LEKR1: variants seen among roughly 807,000 people sequenced by gnomAD.
LEKR1 encodes the protein protein LEKR1.
LEKR1 carries 59 observed loss-of-function variants against 72.4 expected under a neutral mutation model. That is an observed-to-expected ratio of 0.82 (90% CI 0.66 to 1.01). The LOEUF (loss-of-function observed/expected upper bound fraction) is 1.01. Among genes scored for constraint, LEKR1 ranks in the 50% least tolerant of loss-of-function variants. The pLI is 0.00. For missense variants in LEKR1, 728 were observed against 759.2 expected, an observed-to-expected ratio of 0.96 and a Z score of 0.48; for synonymous variants, 257 against 263.2, an observed-to-expected ratio of 0.98 and a Z score of 0.23.
chr3:156,955,893 T>G (rs1465309002), intron 6 of LEKR1, among the ~76,000 whole-genome samples: 1 of 151,434 alleles, frequency 6.6e-6, no homozygotes, highest in African/African-American at 2.4e-5. Context: ...CCAGACAAGT[T>G]CAGCACTAGC....
At chr3:156,967,325 C>G (rs1247248510) in intron 6 of LEKR1, among the ~76,000 whole-genome samples, 1 of 152,048 alleles carries the variant, frequency 6.6e-6, no homozygotes, top group Non-Finnish European at 1.5e-5. Context: ...TCAAACTACT[C>G]TGAGCTAAAG....
intron 3 of LEKR1, among the ~76,000 whole-genome samples, chr3:156,914,641 A>T (rs1012415639): frequency 3.3e-5 from 5 of 152,186 alleles, no homozygotes; most frequent in Non-Finnish European, 7.4e-5. Context: ...GTTTTAATTG[A>T]GTTTCATGCA....
chr3:156,906,138 T>C (rs986112798), intron 3 of LEKR1, among the ~76,000 whole-genome samples: 5 of 152,344 alleles, frequency 3.3e-5, no homozygotes, highest in Admixed American at 6.5e-5. Context: ...TTCTTGTGTT[T>C]TCTAAAGTGT....
chr3:156,878,369 A>T (rs957946954), intron 3 of LEKR1, among the ~76,000 whole-genome samples: 3 of 152,146 alleles, frequency 2.0e-5, no homozygotes, highest in Non-Finnish European at 2.9e-5. Flanking sequence ...TTCCCTCTTG[A>T]TTTCATTGTT....
chr3:157,010,821 G>A (rs7616559), intron 9 of LEKR1, among the ~76,000 whole-genome samples: 110,778 of 151,932 alleles, frequency 0.73, 40,885 homozygotes, highest in East Asian at 0.93. Context: ...GGATTAAGAT[G>A]ATAAAGTGAT....
chr3:156,839,886 G>A (rs184322263), intron 2 of LEKR1, among the ~76,000 whole-genome samples: 3 of 152,212 alleles, frequency 2.0e-5, no homozygotes, highest in East Asian at 3.9e-4. Flanking sequence ...AAAAAAGTTC[G>A]ACAGAAGTTA....
Position 156,979,261 on chromosome 3 carries a change from TA to T in LEKR1, c.816del (p.Glu273LysfsTer4). On this transcript the variant is annotated frameshift_variant, in exon 7 of 13. Transcript: ENST00000356539. LOFTEE classifies it high-confidence loss of function. The stretch of plus-strand genomic sequence containing the variant: ...AGGCGGTGACAGAGATGGACAACTA[TA>T]AAGAAATGCTTATGTAAGATGGAGA... ...QKAVTEMDNYKEMLMNKSNEA... is the reference protein window; with the variant it reads ...QKAVTEMDNYXEMLMNKSNEA... The T allele has an allele frequency of 7.8e-7, 1 of 1,281,276 alleles. No homozygotes were observed. The highest frequency in any genetic ancestry group is 1.0e-6 in the Non-Finnish European group (1 of 980,220). 79.4% of individuals were successfully genotyped at this position (1,281,276 alleles called of 1,614,324 possible). A position where few individuals can be genotyped will look rare whatever the true frequency, so the allele number is the denominator to read the frequency against.
At chr3:156,955,527 A>G (rs776902178) in intron 6 of LEKR1, among the ~76,000 whole-genome samples, 5 of 151,730 alleles carry the variant, frequency 3.3e-5, no homozygotes, top group Non-Finnish European at 5.9e-5. Context: ...CCCTTAATGC[A>G]TAGTTTATTG....
chr3:156,992,025 G>T lies in LEKR1; in HGVS notation c.828-628G>T, dbSNP rs111273960. 1.4e-3 allele frequency among the ~76,000 whole-genome samples: 217 copies of T among 152,330 alleles called. 1 individual carries two copies. The highest frequency in any genetic ancestry group is 5.1e-3 in the African/African-American group (210 of 41,580). On this transcript the variant is annotated intron_variant, in intron 7 of 12. Coordinates refer to ENST00000356539, the MANE Select transcript of LEKR1 (RefSeq NM_001004316.3). ...ATGGCAATCTCTGTCCAGGATAACA[G>T]CTCAATCTCAGTTCAGTTCTTTTTC...
chr3:157,011,048 T>C (rs1732848872), intron 9 of LEKR1, among the ~76,000 whole-genome samples: 1 of 152,156 alleles, frequency 6.6e-6, no homozygotes, highest in Non-Finnish European at 1.5e-5. Context: ...TATTTTAGAA[T>C]TTAGTCTTAT....
At chr3:157,007,739 C>T (rs1214156713) in intron 9 of LEKR1, among the ~76,000 whole-genome samples, 7 of 152,226 alleles carry the variant, frequency 4.6e-5, no homozygotes, top group African/African-American at 1.7e-4. Flanking sequence ...CCTGGGCTCT[C>T]TTGTATCCTG....
intron 11 of LEKR1, among the ~76,000 whole-genome samples, chr3:157,026,242 C>T (rs1734180353): frequency 6.6e-6 from 1 of 152,154 alleles, no homozygotes; most frequent in South Asian, 2.1e-4. Context: ...CTCCCCCTTT[C>T]TTCTTCCTCT....
At chr3:156,862,281 T>C (rs1716857224) in intron 3 of LEKR1, among the ~76,000 whole-genome samples, 1 of 152,132 alleles carries the variant, frequency 6.6e-6, no homozygotes, top group Non-Finnish European at 1.5e-5. Context: ...TTATTTTTTC[T>C]ATTCACCTTT....
chr3:157,041,100 T>G (rs1418589982), intron 12 of LEKR1, among the ~76,000 whole-genome samples: 2 of 152,196 alleles, frequency 1.3e-5, no homozygotes, highest in Non-Finnish European at 2.9e-5. Flanking sequence ...GACATTTTCC[T>G]TCTCAGGGGG....
chr3:156,893,781 A>G (rs1032227928), intron 3 of LEKR1, among the ~76,000 whole-genome samples: 2 of 152,210 alleles, frequency 1.3e-5, no homozygotes, highest in African/African-American at 4.8e-5. Context: ...AGCCTCAGCA[A>G]TGCAAAAATA....
At chr3:157,035,542 A>G (rs950783735) in intron 12 of LEKR1, among the ~76,000 whole-genome samples, 1 of 152,202 alleles carries the variant, frequency 6.6e-6, no homozygotes, top group Non-Finnish European at 1.5e-5. Flanking sequence ...AACCAGGCTT[A>G]TGTATTAATA....
At chr3:156,966,135 A>G (rs9853479) in intron 6 of LEKR1, among the ~76,000 whole-genome samples, 77,332 of 152,006 alleles carry the variant, frequency 0.51, 21,313 homozygotes, top group East Asian at 0.73. Context: ...AATAAAATAA[A>G]TAGTGATGGG....
chr3:157,023,681 T>A (rs1385584432), intron 10 of LEKR1, among the ~76,000 whole-genome samples: 1 of 152,146 alleles, frequency 6.6e-6, no homozygotes, highest in Admixed American at 6.6e-5. Context: ...AAACTTAAGA[T>A]CACTCAGTTA....
intron 3 of LEKR1, among the ~76,000 whole-genome samples, chr3:156,876,805 C>G (rs1260401947): frequency 6.6e-6 from 1 of 152,034 alleles, no homozygotes; most frequent in African/African-American, 2.4e-5. Flanking sequence ...AATTTGGATG[C>G]CTTTTATTTA....
Sources: allele counts gnomAD v4.1 joint callset (sites outside exome capture counted in the v4.1 genomes callset), GRCh38; gene constraint gnomAD v4.1.1; transcripts MANE v1.5; gene names NCBI Gene and HGNC (gene_info 2026-07-23, HGNC 2026-07-21).